The following FMN2 variants were observed in gnomAD, a reference collection of about 807,000 sequenced individuals.
FMN2 encodes formin 2, also known as formin-2.
In FMN2, 51 loss-of-function variants were observed where a neutral mutation model predicts 142.3. That is an observed-to-expected ratio of 0.36 (90% CI 0.29 to 0.45). The LOEUF is 0.45. Among genes scored for constraint, FMN2 ranks in the 20% least tolerant of loss-of-function variants. The pLI, the probability that FMN2 is intolerant of heterozygous loss-of-function variation, is 1.00. For synonymous variants in FMN2, 882 were observed against 869.8 expected (o/e 1.01, Z -0.25); for missense variants, 1,936 against 2,122.8 (o/e 0.91, Z 1.73).
intron 16 of FMN2, among the ~76,000 whole-genome samples, chr1:240,467,492 T>G (rs1388745011): frequency 6.6e-6 from 1 of 152,052 alleles, no homozygotes. Flanking sequence ...GGTCTCAAAC[T>G]CCTGACCTTG....
chr1:240,121,682 C>A (rs367586251), intron 1 of FMN2, among the ~76,000 whole-genome samples: 3 of 142,290 alleles, frequency 2.1e-5, no homozygotes, highest in East Asian at 4.1e-4. Flanking sequence ...AGCCACCGCG[C>A]CTGGCCCAGT....
At chr1:240,169,527 G>A (rs1398175916) in intron 2 of FMN2, among the ~76,000 whole-genome samples, 5 of 152,274 alleles carry the variant, frequency 3.3e-5, no homozygotes, top group African/African-American at 4.8e-5. Flanking sequence ...ACAGTGGTGC[G>A]ATCACAGCTC....
At chr1:240,322,642 A>C (rs1219529315) in intron 8 of FMN2, among the ~76,000 whole-genome samples, 4 of 152,184 alleles carry the variant, frequency 2.6e-5, no homozygotes, top group Non-Finnish European at 5.9e-5. Context: ...TCTTTCCTCA[A>C]GAAACAGTTC....
rs747305079 is a variant in FMN2 at position 240,474,179 on chromosome 1, A to C, written c.*25A>C. The C allele has an allele frequency of 6.5e-7, 1 of 1,540,082 alleles. No individual in the cohort carries two copies. The highest frequency in any genetic ancestry group is 2.4e-5 in the Admixed American group (1 of 41,964). On this transcript the variant is annotated 3_prime_UTR_variant, in exon 18 of 18. Coordinates refer to ENST00000319653, the MANE Select transcript of FMN2 (RefSeq NM_020066.5). The stretch of plus-strand genomic sequence containing the variant: ...AACAATGAAAAGCAGAATGAAAATG[A>C]GTCATTGCAACGACTTTCACAAAAT...
chr1:240,363,968 T>G (rs1672578480), intron 14 of FMN2, among the ~76,000 whole-genome samples: 1 of 152,098 alleles, frequency 6.6e-6, no homozygotes, highest in Admixed American at 6.6e-5. Context: ...GGGGGTTCAG[T>G]AAATTTCTGG....
chr1:240,342,927 A>G (rs1290079529), intron 13 of FMN2, among the ~76,000 whole-genome samples: 2 of 152,164 alleles, frequency 1.3e-5, no homozygotes, highest in Non-Finnish European at 2.9e-5. Flanking sequence ...GGAAAATTAT[A>G]TTTAAATTGG....
chr1:240,171,173 A>T (rs1176422058), intron 2 of FMN2: 62 of 866,594 alleles, frequency 7.2e-5, no homozygotes, highest in Non-Finnish European at 3.4e-5. Flanking sequence ...GTATCTGAAT[A>T]TGTGTCTAAA....
chr1:240,252,953 C>CTTTTTTTTTTTTTTTCTTTTT (rs1668328041), intron 6 of FMN2, among the ~76,000 whole-genome samples: 1 of 65,346 alleles, frequency 1.5e-5, no homozygotes, highest in Non-Finnish European at 2.6e-5. Flanking sequence ...GTCTTGTTCA[C>CTTTTTTTTTTTTTTTCTTTTT]TTTTTTTTTT....
intron 2 of FMN2, among the ~76,000 whole-genome samples, chr1:240,148,373 G>A (rs557412102): frequency 8.3e-5 from 12 of 144,562 alleles, no homozygotes; most frequent in Admixed American, 6.0e-4. Flanking sequence ...GAGACAGAGA[G>A]AGAGAGAGAA....
intron 8 of FMN2, among the ~76,000 whole-genome samples, chr1:240,324,439 C>T (rs1004768508): frequency 1.3e-5 from 2 of 152,240 alleles, no homozygotes; most frequent in East Asian, 3.9e-4. Context: ...AGGCGGATCA[C>T]TTGAGGCTAT....
intron 7 of FMN2, among the ~76,000 whole-genome samples, chr1:240,274,447 C>A (rs1026417): frequency 9.2e-5 from 14 of 152,176 alleles, no homozygotes; most frequent in Admixed American, 1.3e-4. Flanking sequence ...GAGCACTCAG[C>A]GGGGAGAGAA....
In FMN2 at chr1:240,434,797, C is replaced by T. The variant is rs144639712; in HGVS notation, c.4911-3264C>T. 4.7e-5 allele frequency among the ~76,000 whole-genome samples: 7 copies of T among 148,318 alleles called. No homozygotes were observed. The South Asian group carries it at 1.5e-3, about 32-fold the overall frequency. On this transcript the variant is annotated intron_variant, in intron 15 of 17. Coordinates refer to ENST00000319653, the MANE Select transcript of FMN2 (RefSeq NM_020066.5). ...CCATGTTAGCCAGGATGGTCTCGAT[C>T]TCCTGACCTCGTGATCCGCTGCCTC... is the stretch of plus-strand genomic sequence containing the variant.
chr1:240,301,170 A>AT lies in FMN2; in HGVS notation c.4215+6299dup, dbSNP rs11301299. Among the ~76,000 whole-genome samples, 122 of 142,154 alleles carry AT rather than the reference A, an allele frequency of 8.6e-4. No homozygotes were observed. The East Asian group carries it at 0.012, about 14-fold the overall frequency. 93.3% of individuals were successfully genotyped at this position (142,154 alleles called of 152,430 possible). On this transcript the variant is annotated intron_variant, in intron 8 of 17. Transcript: ENST00000319653. ...CTGTTTTGTTTTAACTTTTATTTCT[A>AT]TTTTTTTTTTTTAGCTTCACCTCTT...
At chr1:240,439,222 G>A (rs1213348996) in intron 16 of FMN2, among the ~76,000 whole-genome samples, 2 of 142,986 alleles carry the variant, frequency 1.4e-5, no homozygotes, top group East Asian at 2.1e-4. Flanking sequence ...GCAGTGAGCC[G>A]AGATCATGCC....
At position 240,207,159 on chromosome 1, in the gene FMN2, T is replaced by C; in HGVS notation, c.2347T>C (p.Ser783Pro). ...AESGPQTKFC[S>P]EISLIVSPRR... ...AAGTGGACCTCAGACAAAGTTCTGT[T>C]CAGAGATTTCTTTGATTGTGTCTCC... Residue 783 changes from serine (S) to proline (P), a missense_variant, in exon 5 of 18, where the codon TCA becomes CCA. Around this residue, in one of 8 missense-constraint regions of FMN2, gnomAD observed 478 missense variants for 462.8 expected, o/e 1.03. Coordinates refer to ENST00000319653, the MANE Select transcript of FMN2 (RefSeq NM_020066.5). 1.2e-6 allele frequency: 2 copies of C among 1,614,056 alleles called. No individual in the cohort carries two copies. The highest frequency in any genetic ancestry group is 1.1e-5 in the South Asian group (1 of 91,082).
intron 7 of FMN2, among the ~76,000 whole-genome samples, chr1:240,293,914 CAT>C (rs1309456145): frequency 2.0e-5 from 3 of 152,220 alleles, no homozygotes; most frequent in Middle Eastern, 3.4e-3. Flanking sequence ...GAAAATGTCT[CAT>C]GTGAAACTTT....
In FMN2 at chr1:240,474,273, AATC is replaced by A. The variant is rs2103253083; in HGVS notation, c.*120_*122del. The A allele has an allele frequency of 1.1e-6, 1 of 922,854 alleles. No homozygotes were observed. The highest frequency in any genetic ancestry group is 1.6e-6 in the Non-Finnish European group (1 of 638,438). 57.2% of individuals were successfully genotyped at this position (922,854 alleles called of 1,614,324 possible). The stretch of plus-strand genomic sequence containing the variant: ...CATGTTTCTTCTTGACCTCTTGCAT[AATC>A]TTTTTGTTTTCTAGACAGTTCACTA... On this transcript the variant is annotated 3_prime_UTR_variant, in exon 18 of 18. Coordinates refer to ENST00000319653, the MANE Select transcript of FMN2 (RefSeq NM_020066.5).
chr1:240,294,201 G>C (rs1669889532), intron 7 of FMN2, among the ~76,000 whole-genome samples: 1 of 152,138 alleles, frequency 6.6e-6, no homozygotes, highest in Non-Finnish European at 1.5e-5. Context: ...AATGCGTAAA[G>C]AAAATATTGC....
chr1:240,105,453 T>C (rs1388296843), intron 1 of FMN2, among the ~76,000 whole-genome samples: 1 of 152,192 alleles, frequency 6.6e-6, no homozygotes, highest in African/African-American at 2.4e-5. Context: ...GTTGAGTTTC[T>C]TAAAAAATCC....
Sources: gnomAD v4.1 joint callset for allele counts (sites outside exome capture counted in the v4.1 genomes callset) on GRCh38, gnomAD v4.1.1 for gene constraint, gnomAD v4.1.1 regional missense constraint, MANE v1.5 for transcripts, NCBI Gene and HGNC (gene_info 2026-07-23, HGNC 2026-07-21) for gene names.